UGT1A7: variants seen among roughly 807,000 people sequenced by gnomAD.
UGT1A7 encodes UDP-glucuronosyltransferase 1A7.
A neutral mutation model predicts 45.6 loss-of-function variants in UGT1A7; 33 were observed. The observed-to-expected ratio is 0.72, with a 90% CI of 0.55 to 0.97. The LOEUF (loss-of-function observed/expected upper bound fraction) is 0.97. Ranked by LOEUF, UGT1A7 falls within the 50% of genes least tolerant of loss-of-function variation. UGT1A7 has a pLI of 0.00. For synonymous variants in UGT1A7, 274 were observed against 250.6 expected, an observed-to-expected ratio of 1.09 and a Z score of -0.88; for missense variants, 684 against 666.2, an observed-to-expected ratio of 1.03 and a Z score of -0.29.
rs542881943 is a variant in UGT1A7, at chr2:233,729,093, G to A, written c.856-37941G>A. 7.1e-5 allele frequency: 115 copies of A among 1,612,640 alleles called. 3 individuals carry two copies. In the South Asian group the frequency reaches 1.2e-3, roughly 17 times the overall value. ...AGCAAATGTAGCAGGCACAGCGTGGGGTGGACAGTCAGCTGTCCGTGTCTT... is the reference window on the plus strand; with the variant it reads ...AGCAAATGTAGCAGGCACAGCGTGGAGTGGACAGTCAGCTGTCCGTGTCTT... On this transcript the variant is annotated intron_variant, in intron 1 of 4. Transcript: ENST00000373426.
At chr2:233,768,980 T>A (rs1699769339) in intron 4 of UGT1A7, among the ~76,000 whole-genome samples, 1 of 152,212 alleles carries the variant, frequency 6.6e-6, no homozygotes, top group Non-Finnish European at 1.5e-5. Flanking sequence ...TTTAGAATTT[T>A]ATTTCCCCCA....
chr2:233,734,271 G>A (rs1203076441), intron 1 of UGT1A7, among the ~76,000 whole-genome samples: 2 of 152,098 alleles, frequency 1.3e-5, no homozygotes, highest in Admixed American at 1.3e-4. Context: ...ATGTGTCCAG[G>A]AATTTATCCA....
chr2:233,742,223 A>G (rs1691912162), intron 1 of UGT1A7, among the ~76,000 whole-genome samples: 1 of 151,938 alleles, frequency 6.6e-6, no homozygotes, highest in South Asian at 2.1e-4. Flanking sequence ...CAGGGCTGAG[A>G]GCCCCAAACA....
intron 1 of UGT1A7, among the ~76,000 whole-genome samples, chr2:233,720,807 G>C (rs879376102): frequency 6.0e-5 from 9 of 150,156 alleles, no homozygotes; most frequent in Non-Finnish European, 5.9e-5. Context: ...CCGGGTTTAA[G>C]AAATTCTCCC....
intron 1 of UGT1A7, among the ~76,000 whole-genome samples, chr2:233,710,303 A>G (rs2076125007): frequency 6.6e-6 from 1 of 152,210 alleles, no homozygotes; most frequent in Non-Finnish European, 1.5e-5. Context: ...GTTGGGTTGC[A>G]TGGTAGGTGT....
At chr2:233,743,198 T>G (rs1692227128) in intron 1 of UGT1A7, 1 of 382,180 alleles carries the variant, frequency 2.6e-6, no homozygotes, top group African/African-American at 2.1e-5. Flanking sequence ...TTACTTGGTG[T>G]CAATGCGGAG....
At chr2:233,770,376 A>T (rs1000336049) in intron 4 of UGT1A7, 3 of 152,228 alleles carry the variant, frequency 2.0e-5, no homozygotes, top group African/African-American at 4.8e-5. Flanking sequence ...AGTTCTGGCC[A>T]GGTACGGTGG....
In UGT1A7 at chr2:233,682,571, A is replaced by G. The variant is rs193199170; in HGVS notation, c.634A>G (p.Met212Val). The G allele has an allele frequency of 5.0e-6, 8 of 1,613,942 alleles. No homozygotes were observed. The Admixed American group carries it at 5.0e-5, about 10-fold the overall frequency. ...CAAGGAGAGAGTATGGAACCACATC[A>G]TGCACTTGGAGGAACATTTATTTTG... The part of the protein sequence containing the change: ...TFKERVWNHI[M>V]HLEEHLFCPY... Residue 212 changes from methionine (M) to valine (V), a missense_variant, in exon 1 of 5, where the codon ATG (methionine) becomes GTG (valine). Met to Val is a conservative substitution (Grantham distance 21, BLOSUM62 1). Transcript: ENST00000373426.
chr2:233,721,930 C>T (rs557972236), intron 1 of UGT1A7: 22 of 377,682 alleles, frequency 5.8e-5, no homozygotes, highest in South Asian at 4.7e-4. Flanking sequence ...AAGTGACATC[C>T]TTCAGACACT....
Position 233,681,968 on chromosome 2 carries a change from C to T in UGT1A7, c.31C>T (p.Pro11Ser). ...TCGTGCAGGGTGGACTGGCCTCCTT[C>T]CCCTATATGTGTGTCTACTGCTGAC... is the stretch of plus-strand genomic sequence containing the variant. The part of the protein sequence containing the change: MARAGWTGLL[P>S]LYVCLLLTCG... The change falls in exon 1 of 5, where the codon CCC (proline) becomes TCC (serine). Residue 11 changes from proline (P) to serine (S), a missense_variant. Transcript: ENST00000373426. 6.2e-7 allele frequency: 1 copy of T among 1,614,070 alleles called. No individual in the cohort carries two copies. Among genetic ancestry groups the T allele is most frequent in the Non-Finnish European group, 8.5e-7 (1 of 1,179,962 alleles).
chr2:233,721,291 G>C (rs2076934131), intron 1 of UGT1A7, among the ~76,000 whole-genome samples: 1 of 152,084 alleles, frequency 6.6e-6, no homozygotes, highest in East Asian at 1.9e-4. Context: ...AATTAGGAAG[G>C]CATTTGAATA....
At chr2:233,717,277 G>A (rs2076561985) in intron 1 of UGT1A7, among the ~76,000 whole-genome samples, 1 of 152,160 alleles carries the variant, frequency 6.6e-6, no homozygotes, top group African/African-American at 2.4e-5. Context: ...TTGAGAAGCT[G>A]AGATGTTGCA....
At chr2:233,738,256 C>A (rs775163628) in intron 1 of UGT1A7, among the ~76,000 whole-genome samples, 10 of 152,180 alleles carry the variant, frequency 6.6e-5, no homozygotes, top group Non-Finnish European at 1.0e-4. Context: ...GAACTGGAGT[C>A]AATTAAAGCT....
chr2:233,690,105 T>C (rs2074974795), intron 1 of UGT1A7, among the ~76,000 whole-genome samples: 1 of 152,240 alleles, frequency 6.6e-6, no homozygotes, highest in Non-Finnish European at 1.5e-5. Context: ...CTGCATCTTA[T>C]GTCACATATG....
intron 1 of UGT1A7, among the ~76,000 whole-genome samples, chr2:233,751,937 A>C (rs539080816): frequency 5.9e-5 from 9 of 152,318 alleles, no homozygotes; most frequent in African/African-American, 1.9e-4. Context: ...GATTGAAGTT[A>C]TACTGAAAGG....
chr2:233,772,894 C>CCA lies in UGT1A7; in HGVS notation c.*337_*338dup, dbSNP rs554656848. 8.1e-6 allele frequency: 4 copies of CCA among 491,752 alleles called. No individual in the cohort carries two copies. Among genetic ancestry groups the CCA allele is most frequent in the Non-Finnish European group, 1.3e-5 (4 of 303,172 alleles). The allele number at this position is 491,752 out of a possible 1,614,324, so 30.5% of individuals were successfully genotyped here. A position where few individuals can be genotyped will look rare whatever the true frequency, so the allele number is the denominator to read the frequency against. ...GGGAGTGCGGGATTCAAAGGTGGTC[C>CCA]CACGGCTGCCCCTACTGCAAATGGC... On this transcript the variant is annotated 3_prime_UTR_variant, in exon 5 of 5. Transcript: ENST00000373426.
At chr2:233,691,738 A>C in intron 1 of UGT1A7, 2 of 700,940 alleles carry the variant, frequency 2.9e-6, no homozygotes, top group Non-Finnish European at 3.5e-6. Context: ...CCAGAAGCAG[A>C]TACCAGGCTT....
chr2:233,713,259 G>A, intron 1 of UGT1A7: 1 of 1,614,246 alleles, frequency 6.2e-7, no homozygotes, highest in Non-Finnish European at 8.5e-7. Context: ...GGACGAATTT[G>A]ATCGCCTTTT....
chr2:233,739,344 AG>A lies in UGT1A7; in HGVS notation c.856-27689del, dbSNP rs1575629032. On this transcript the variant is annotated intron_variant, in intron 1 of 4. Transcript: ENST00000373426. ...AGAAGGCCACAGTCCTTCAGAACCC[AG>A]AAGGGCAGATCCAATAGCTTGCACT... Among the ~76,000 whole-genome samples the A allele has an allele frequency of 3.9e-5, 6 of 152,328 alleles. No individual in the cohort carries two copies. In the East Asian group the frequency reaches 5.8e-4, roughly 15 times the overall value.
Sources: gnomAD v4.1 joint callset for allele counts (sites outside exome capture counted in the v4.1 genomes callset) on GRCh38, gnomAD v4.1.1 for gene constraint, MANE v1.5 for transcripts, NCBI Gene and HGNC (gene_info 2026-07-23, HGNC 2026-07-21) for gene names.